Variants in RAB11FIP4 observed in about 807,000 individuals in gnomAD.
RAB11FIP4 encodes RAB11 family interacting protein 4.
RAB11FIP4 carries 23 observed loss-of-function variants against 74.3 expected under a neutral mutation model. The ratio of observed to expected loss-of-function variants is 0.31; its 90% CI spans 0.22 to 0.44. The LOEUF (loss-of-function observed/expected upper bound fraction) is 0.44. Ranked by LOEUF, RAB11FIP4 falls within the 20% of genes least tolerant of loss-of-function variation. RAB11FIP4 has a pLI of 1.00. For synonymous variants in RAB11FIP4, 360 were observed against 359.9 expected (o/e 1.00, Z 0.00); for missense variants, 630 against 863.9 (o/e 0.73, Z 3.39).
Position 31,400,306 on chromosome 17 carries a change from G to T in RAB11FIP4, c.159+8295G>T, listed in dbSNP as rs536390522. Among the ~76,000 whole-genome samples the T allele has an allele frequency of 1.5e-4, 23 of 152,346 alleles. No homozygotes were observed. In the Middle Eastern group the frequency reaches 0.01, roughly 68 times the overall value. On this transcript the variant is annotated intron_variant, in intron 1 of 14. Coordinates refer to ENST00000621161, the MANE Select transcript of RAB11FIP4 (RefSeq NM_032932.6). ...AGGTGGAGCCCAGAATGAAATGGGG[G>T]CTGCACCTTGCATATGTCTTGGAAA...
At chr17:31,494,594 C>G (rs72815694) in intron 3 of RAB11FIP4, among the ~76,000 whole-genome samples, 5,206 of 152,246 alleles carry the variant, frequency 0.034, 129 homozygotes, top group Non-Finnish European at 0.057. Context: ...ACTCTACTTC[C>G]TCAGCTTCTG....
chr17:31,401,597 T>C (rs1056780454), intron 1 of RAB11FIP4, among the ~76,000 whole-genome samples: 1 of 152,222 alleles, frequency 6.6e-6, no homozygotes, highest in African/African-American at 2.4e-5. Flanking sequence ...TTGCTGTGGC[T>C]CAGGGCTTAC....
intron 3 of RAB11FIP4, among the ~76,000 whole-genome samples, chr17:31,437,426 T>G (rs2071370079): frequency 6.6e-6 from 1 of 152,128 alleles, no homozygotes; most frequent in Admixed American, 6.5e-5. Flanking sequence ...CCCGGCTCTC[T>G]GCGCCCTGCT....
intron 3 of RAB11FIP4, among the ~76,000 whole-genome samples, chr17:31,515,660 G>A (rs990525897): frequency 2.0e-5 from 3 of 152,080 alleles, no homozygotes; most frequent in South Asian, 4.2e-4. Flanking sequence ...TCTCGGGACT[G>A]CAGGGTCCTT....
chr17:31,512,129 G>A lies in RAB11FIP4; in HGVS notation c.337-5522G>A, dbSNP rs1413157920. On this transcript the variant is annotated intron_variant, in intron 3 of 14. Transcript: ENST00000621161. This position sits in a 1 kb window ranked among gnomAD's most constrained non-coding sequence, Gnocchi z 4.1. ...TCCCTCCTGGCTGCTCGTCTGTCCA[G>A]GACATTGCTGGCTGACCAGCCGGGG... 2.0e-5 allele frequency among the ~76,000 whole-genome samples: 3 copies of A among 152,206 alleles called. No individual in the cohort carries two copies. Among genetic ancestry groups the A allele is most frequent in the African/African-American group, 7.2e-5 (3 of 41,462 alleles).
At chr17:31,429,828 CAAAAAAA>C (rs751342010) in intron 1 of RAB11FIP4, among the ~76,000 whole-genome samples, 1 of 80,316 alleles carries the variant, frequency 1.2e-5, no homozygotes, top group South Asian at 4.8e-4. Context: ...GATTCCATCT[CAAAAAAA>C]AAAAAAAAAA....
In RAB11FIP4 at chr17:31,527,842, G is replaced by A. The variant is rs752506182; in HGVS notation, c.1275G>A (p.Arg425=). ...AGATTTGTCTTTCTCCTTTCGCCAG[G>A]GTGCAGCAGTTGGAGGAAGAAAATA... is the stretch of plus-strand genomic sequence containing the variant. ...KATEVELLNA[R]VQQLEEENTE... Residue 425 remains arginine (R), a splice_region_variant and synonymous_variant, in exon 11 of 15, where the codon AGG becomes AGA. Coordinates refer to ENST00000621161, the MANE Select transcript of RAB11FIP4 (RefSeq NM_032932.6). The A allele has an allele frequency of 4.7e-5, 75 of 1,603,634 alleles. 1 individual carries two copies. The South Asian group carries it at 4.9e-4, about 10-fold the overall frequency.
At position 31,523,805 on chromosome 17, in the gene RAB11FIP4, G is replaced by T. The variant is rs2072713434; in HGVS notation, c.1030-88G>T. 3.6e-6 allele frequency: 4 copies of T among 1,112,384 alleles called. No individual in the cohort carries two copies. The South Asian group carries it at 3.9e-5, about 11-fold the overall frequency. The allele number at this position is 1,112,384 out of a possible 1,614,324, so 68.9% of individuals were successfully genotyped here. ...GTTCTCAGATACACAGTGGTTTGGA[G>T]GTCCTGCTCATGAACCTCATGGCGT... On this transcript the variant is annotated intron_variant, in intron 8 of 14. Transcript: ENST00000621161.
At chr17:31,499,358 T>C (rs538134244) in intron 3 of RAB11FIP4, among the ~76,000 whole-genome samples, 14 of 152,178 alleles carry the variant, frequency 9.2e-5, no homozygotes, top group Admixed American at 5.9e-4. Flanking sequence ...CTTCTTCCTT[T>C]CTTTCTTCTT....
Position 31,522,475 on chromosome 17 carries a change from G to C in RAB11FIP4, c.929+80G>C, listed in dbSNP as rs563074395. 2.6e-4 allele frequency: 366 copies of C among 1,389,656 alleles called. 1 individual carries two copies. In the African/African-American group the frequency reaches 4.6e-3, roughly 17 times the overall value. 86.1% of individuals were successfully genotyped at this position (1,389,656 alleles called of 1,614,324 possible). A position where few individuals can be genotyped will look rare whatever the true frequency, so the allele number is the denominator to read the frequency against. On this transcript the variant is annotated intron_variant, in intron 7 of 14. Transcript: ENST00000621161. The stretch of plus-strand genomic sequence containing the variant: ...GGCCGGGGCTCCCTGCCAGCAGCCC[G>C]GACTCAGCTGGTGCCCGCATGTGGC...
chr17:31,392,160 C>A (rs1025701149), intron 1 of RAB11FIP4, 149 bp downstream of exon 1: 58 of 604,592 alleles, frequency 9.6e-5, no homozygotes, highest in East Asian at 2.3e-4. Context: ...GGACCTCGGC[C>A]CCCCCCGGGT....
chr17:31,527,354 C>T (rs1567694435), intron 10 of RAB11FIP4: 1 of 153,376 alleles, frequency 6.5e-6, no homozygotes, highest in African/African-American at 2.4e-5. Context: ...AATCCCAACA[C>T]TTTGGGAGGC....
At chr17:31,430,583 TCTC>T (rs1245257657) in intron 1 of RAB11FIP4, among the ~76,000 whole-genome samples, 2 of 151,678 alleles carry the variant, frequency 1.3e-5, no homozygotes, top group African/African-American at 4.8e-5. Context: ...ATGGTCTCGA[TCTC>T]CTGACCTCGT....
At chr17:31,437,952 T>C (rs1312970898) in intron 3 of RAB11FIP4, among the ~76,000 whole-genome samples, 5 of 152,146 alleles carry the variant, frequency 3.3e-5, no homozygotes, top group Non-Finnish European at 5.9e-5. Context: ...CCCAGAGCCC[T>C]GCGAGACCCT....
chr17:31,425,896 A>G (rs1262761821), intron 1 of RAB11FIP4, among the ~76,000 whole-genome samples: 3 of 152,130 alleles, frequency 2.0e-5, no homozygotes, highest in Non-Finnish European at 2.9e-5. Context: ...GCTCCCCACG[A>G]AGACCACATG....
At chr17:31,530,856 AC>A (rs2072859353) in intron 14 of RAB11FIP4, 1 of 189,164 alleles carries the variant, frequency 5.3e-6, no homozygotes, top group Admixed American at 5.4e-5. Context: ...GTGTGTTTTC[AC>A]TTAATCTCCT....
chr17:31,504,480 A>T (rs2072280499), intron 3 of RAB11FIP4, among the ~76,000 whole-genome samples: 2 of 152,036 alleles, frequency 1.3e-5, no homozygotes, highest in African/African-American at 4.8e-5. Flanking sequence ...GTTGGCCAGG[A>T]TGGTCTTGAA....
chr17:31,483,157 C>CATTCCAG (rs2071866227), intron 3 of RAB11FIP4, among the ~76,000 whole-genome samples: 1 of 124,654 alleles, frequency 8.0e-6, no homozygotes, highest in African/African-American at 3.1e-5. Flanking sequence ...CATGCCATTG[C>CATTCCAG]ATTCCAGCCC....
intron 3 of RAB11FIP4, among the ~76,000 whole-genome samples, chr17:31,461,240 C>T (rs996852042): frequency 1.6e-4 from 24 of 152,150 alleles, no homozygotes; most frequent in Non-Finnish European, 3.4e-4. Context: ...CCCCTCCACA[C>T]GCACAAGCCT....
Sources: allele counts gnomAD v4.1 joint callset (sites outside exome capture counted in the v4.1 genomes callset), GRCh38; gene constraint gnomAD v4.1.1; non-coding constraint Gnocchi (gnomAD v3.1); transcripts MANE v1.5; gene names NCBI Gene and HGNC (gene_info 2026-07-23, HGNC 2026-07-21).